Variants in NCBP1 observed in about 807,000 individuals in gnomAD.
The protein encoded by NCBP1 is nuclear cap-binding protein subunit 1.
A neutral mutation model predicts 111.7 loss-of-function variants in NCBP1; 16 were observed. The observed-to-expected ratio is 0.14, with a 90% CI of 0.10 to 0.22. NCBP1 has a LOEUF of 0.22. NCBP1 is among the 10% of genes least tolerant of loss of function. The probability of loss-of-function intolerance (pLI) is 1.00; values close to 1 mark genes in which losing one functional copy is unlikely to be tolerated. For missense variants in NCBP1, 607 were observed against 957.5 expected (o/e 0.63, Z 4.83); for synonymous variants, 304 against 314.3 (o/e 0.97, Z 0.35).
At chr9:97,646,068 C>T (rs77159549) in intron 6 of NCBP1, among the ~76,000 whole-genome samples, 22,265 of 152,196 alleles carry the variant, frequency 0.15, 2,073 homozygotes, top group Middle Eastern at 0.35. Context: ...CAGACCCCAA[C>T]CCCCAGACCT....
chr9:97,649,013 TAATA>T (rs1827427095), intron 8 of NCBP1, among the ~76,000 whole-genome samples: 1 of 152,188 alleles, frequency 6.6e-6, no homozygotes, highest in Admixed American at 6.5e-5. Context: ...TAATTATACT[TAATA>T]AGGTTATTTC....
At chr9:97,655,623 T>C in intron 12 of NCBP1, 79 bp from the exon 13 acceptor site, 1 of 1,199,124 alleles carries the variant, frequency 8.3e-7, no homozygotes, top group Non-Finnish European at 1.2e-6. Flanking sequence ...TTTATCTGTT[T>C]GAAGGCTTAT....
chr9:97,652,313 G>A (rs1352015397), intron 10 of NCBP1, among the ~76,000 whole-genome samples: 2 of 152,124 alleles, frequency 1.3e-5, no homozygotes, highest in Admixed American at 1.3e-4. Context: ...ACTGCATTAT[G>A]TCTTTATATT....
intron 14 of NCBP1, among the ~76,000 whole-genome samples, chr9:97,657,883 A>G (rs2131353585): frequency 7.9e-6 from 1 of 126,006 alleles, no homozygotes; most frequent in South Asian, 2.5e-4. Flanking sequence ...GAGCCCCGGT[A>G]AGCTCTCTCT....
chr9:97,655,688 C>A lies in NCBP1; in HGVS notation c.1236-14C>A, dbSNP rs1408073204. On this transcript the variant is annotated splice_polypyrimidine_tract_variant and intron_variant, in intron 12 of 22. Coordinates refer to ENST00000375147, the MANE Select transcript of NCBP1 (RefSeq NM_002486.5). ...CTTCCTTTTTCTCTGCCTACCTCCC[C>A]CTTCTCTACGTAGGTTTATTAATTG... is the stretch of plus-strand genomic sequence containing the variant. 6.2e-7 allele frequency: 1 copy of A among 1,601,162 alleles called. No homozygotes were observed. Among genetic ancestry groups the A allele is most frequent in the South Asian group, 1.1e-5 (1 of 88,348 alleles).
At chr9:97,643,441 A>C in intron 4 of NCBP1, 81 bp downstream of exon 4, 2 of 1,357,012 alleles carry the variant, frequency 1.5e-6, no homozygotes, top group Non-Finnish European at 2.0e-6. Flanking sequence ...ATAATTTAAA[A>C]TGCTCTCCTA....
At chr9:97,658,455 G>A (rs1827735895) in intron 14 of NCBP1, among the ~76,000 whole-genome samples, 185 bp from the exon 15 acceptor site, 1 of 152,218 alleles carries the variant, frequency 6.6e-6, no homozygotes, top group Non-Finnish European at 1.5e-5. Context: ...AGTGAGTTTT[G>A]CAGTATGCCT....
At position 97,646,115 on chromosome 9, in the gene NCBP1, C is replaced by T. The variant is rs143932455; in HGVS notation, c.611+383C>T. Among the ~76,000 whole-genome samples, 201 of 152,308 alleles carry T rather than the reference C, an allele frequency of 1.3e-3. 1 individual carries two copies. Among genetic ancestry groups the T allele is most frequent in the African/African-American group, 4.6e-3 (190 of 41,570 alleles). Reference sequence around the variant, plus strand: ...CAATTTGAGAGAGAGGTTTGGACATCTGTATTATTAACACATTTCACAAGT... The same window carrying T: ...CAATTTGAGAGAGAGGTTTGGACATTTGTATTATTAACACATTTCACAAGT... On this transcript the variant is annotated intron_variant, in intron 6 of 22. Coordinates refer to ENST00000375147, the MANE Select transcript of NCBP1 (RefSeq NM_002486.5).
chr9:97,648,695 AGTCAT>A (rs1827414801), intron 8 of NCBP1, among the ~76,000 whole-genome samples: 1 of 152,184 alleles, frequency 6.6e-6, no homozygotes, highest in South Asian at 2.1e-4. Flanking sequence ...ATGAATGCTC[AGTCAT>A]TCTGGCAATT....
chr9:97,654,752 A>G (rs772049526), intron 11 of NCBP1, 128 bp from the exon 12 acceptor site: 12 of 830,984 alleles, frequency 1.4e-5, no homozygotes, highest in Non-Finnish European at 2.1e-5. Context: ...AACAAGATTG[A>G]TTGTGTGAAA....
At chr9:97,654,544 G>A (rs1827590337) in intron 11 of NCBP1, among the ~76,000 whole-genome samples, 1 of 150,934 alleles carries the variant, frequency 6.6e-6, no homozygotes, top group Non-Finnish European at 1.5e-5. Context: ...CTTGTTGCAG[G>A]GTTGCCACAA....
At chr9:97,649,471 G>A (rs1384710359) in intron 8 of NCBP1, among the ~76,000 whole-genome samples, 1 of 152,080 alleles carries the variant, frequency 6.6e-6, no homozygotes, top group Non-Finnish European at 1.5e-5. Flanking sequence ...TACCACCTAA[G>A]TCAAATTTGA....
At position 97,669,915 on chromosome 9, in the gene NCBP1, A is replaced by G. The variant is rs566694173; in HGVS notation, c.2259+209A>G. ...TAGATTCCTAATTGCCACCCCCCCA[A>G]CAACCCCCCGCCCCACCTTTTTTTT... is the stretch of plus-strand genomic sequence containing the variant. On this transcript the variant is annotated intron_variant, in intron 22 of 22. Transcript: ENST00000375147. The G allele has an allele frequency of 5.4e-6, 3 of 552,656 alleles. No homozygotes were observed. The East Asian group carries it at 1.1e-4, about 20-fold the overall frequency. The allele number at this position is 552,656 out of a possible 1,614,324, so 34.2% of individuals were successfully genotyped here.
chr9:97,659,599 G>T (rs151041858), intron 15 of NCBP1, among the ~76,000 whole-genome samples: 2 of 152,198 alleles, frequency 1.3e-5, no homozygotes, highest in African/African-American at 4.8e-5. Flanking sequence ...CTTTTGAGTG[G>T]TGGAGCCCAA....
Position 97,645,108 on chromosome 9 carries a change from C to T in NCBP1, c.382-9C>T. On this transcript the variant is annotated splice_polypyrimidine_tract_variant and intron_variant, in intron 4 of 22. Coordinates refer to ENST00000375147, the MANE Select transcript of NCBP1 (RefSeq NM_002486.5). ...TAGGTTTAATAGCAGAAATTGTTTG[C>T]CCCAACAGGTCCGTTTTTTATCTGA... 1.9e-6 allele frequency: 3 copies of T among 1,603,390 alleles called. No homozygotes were observed. The highest frequency in any genetic ancestry group is 1.1e-5 in the South Asian group (1 of 90,834).
intron 20 of NCBP1, 125 bp from the exon 21 acceptor site, chr9:97,668,721 G>T: frequency 9.7e-7 from 1 of 1,028,598 alleles, no homozygotes; most frequent in Non-Finnish European, 1.4e-6. Flanking sequence ...GGGGTGGGGG[G>T]GTACTTTCAC....
intron 6 of NCBP1, 64 bp downstream of exon 6, chr9:97,645,796 C>T: frequency 6.4e-7 from 1 of 1,552,400 alleles, no homozygotes; most frequent in Non-Finnish European, 8.8e-7. Context: ...TCAGTGATAC[C>T]ATTTGAGTTT....
chr9:97,643,416 G>A, intron 4 of NCBP1, 56 bp downstream of exon 4: 1 of 1,440,848 alleles, frequency 6.9e-7, no homozygotes, highest in South Asian at 1.4e-5. Context: ...GAGGGAAAAG[G>A]TGAACTACAA....
chr9:97,639,966 G>C (rs1354769294), intron 1 of NCBP1, among the ~76,000 whole-genome samples: 1 of 152,136 alleles, frequency 6.6e-6, no homozygotes, highest in Non-Finnish European at 1.5e-5. Flanking sequence ...CGAATGATAT[G>C]GTTTTTAAAT....
Sources: allele counts gnomAD v4.1 joint callset (sites outside exome capture counted in the v4.1 genomes callset), GRCh38; gene constraint gnomAD v4.1.1; transcripts MANE v1.5; gene names NCBI Gene and HGNC (gene_info 2026-07-23, HGNC 2026-07-21).